Variants in PCDHGB4 observed in about 807,000 individuals in gnomAD.
The protein encoded by PCDHGB4 is protocadherin gamma subfamily B, 4.
A neutral mutation model predicts 60.5 loss-of-function variants in PCDHGB4; 38 were observed. The ratio of observed to expected loss-of-function variants is 0.63; its 90% CI spans 0.48 to 0.82. The LOEUF (loss-of-function observed/expected upper bound fraction) is 0.82. Ranked by LOEUF, PCDHGB4 falls within the 40% of genes least tolerant of loss-of-function variation. The pLI, the probability that PCDHGB4 is intolerant of heterozygous loss-of-function variation, is 0.00. For missense variants in PCDHGB4, 1,109 were observed against 1,209.6 expected (o/e 0.92, Z 1.23); for synonymous variants, 456 against 509.7 (o/e 0.89, Z 1.42).
chr5:141,400,452 A>C, intron 1 of PCDHGB4: 3 of 1,614,038 alleles, frequency 1.9e-6, no homozygotes, highest in Non-Finnish European at 2.5e-6. Context: ...GACAAGACAT[A>C]CTTTGTGGTG....
rs1228771998 is a variant in PCDHGB4 at position 141,477,832 on chromosome 5, A to G, written c.2398-16975A>G. The stretch of plus-strand genomic sequence containing the variant: ...CCCCCCAGGTCCTATATCCTCGGCC[A>G]GGTGGGAGCTCGGTGGAGATGCTGC... On this transcript the variant is annotated intron_variant, in intron 1 of 3. Transcript: ENST00000519479. This position sits in a 1 kb window ranked among gnomAD's most constrained non-coding sequence, Gnocchi z 4.9. 1.2e-6 allele frequency: 2 copies of G among 1,614,166 alleles called. No homozygotes were observed. Among genetic ancestry groups the G allele is most frequent in the South Asian group, 1.1e-5 (1 of 91,086 alleles).
chr5:141,394,534 G>T (rs751746485), intron 1 of PCDHGB4: 2 of 1,614,074 alleles, frequency 1.2e-6, no homozygotes, highest in Non-Finnish European at 1.7e-6. Flanking sequence ...GGTTCCACTG[G>T]CGTGGAGCTG....
intron 1 of PCDHGB4, chr5:141,393,292 C>T: frequency 6.2e-7 from 1 of 1,613,946 alleles, no homozygotes; most frequent in Non-Finnish European, 8.5e-7. Context: ...GCTGTTGACC[C>T]GGATGTGGGC....
chr5:141,409,491 C>A (rs747701093), intron 1 of PCDHGB4: 1 of 1,613,876 alleles, frequency 6.2e-7, no homozygotes, highest in East Asian at 2.2e-5. Context: ...AGGGGCAAGC[C>A]GCCTCTTTCT....
At chr5:141,401,976 G>A (rs1479930250) in intron 1 of PCDHGB4, among the ~76,000 whole-genome samples, 2 of 152,062 alleles carry the variant, frequency 1.3e-5, no homozygotes, top group Admixed American at 1.3e-4. Context: ...ATTGATGAAG[G>A]ATTAAAATAG....
intron 3 of PCDHGB4, 110 bp downstream of exon 3, chr5:141,505,591 G>T: frequency 6.4e-7 from 1 of 1,570,280 alleles, no homozygotes; most frequent in Non-Finnish European, 8.7e-7. Flanking sequence ...AGTTTCTCCA[G>T]ATCTTTCGGC....
intron 1 of PCDHGB4, among the ~76,000 whole-genome samples, chr5:141,465,140 G>A (rs1019369475): frequency 5.3e-5 from 8 of 151,554 alleles, no homozygotes; most frequent in Non-Finnish European, 7.4e-5. Context: ...AAGTTTAGGG[G>A]ATATATGAAG....
chr5:141,415,740 G>GTTTTTTTTTTTTTTTTTTTGTTT, intron 1 of PCDHGB4: 1 of 617,992 alleles, frequency 1.6e-6, no homozygotes, highest in Non-Finnish European at 2.1e-6. Flanking sequence ...GTTTATTAAG[G>GTTTTTTTTTTTTTTTTTTTGTTT]TTTTTTTTTT....
At position 141,491,686 on chromosome 5, in the gene PCDHGB4, C is replaced by CG; in HGVS notation, c.2398-3118dup. 1 of 1,612,970 alleles carries CG rather than the reference C, an allele frequency of 6.2e-7. No individual in the cohort carries two copies. The highest frequency in any genetic ancestry group is 2.2e-5 in the East Asian group (1 of 44,838). ...CATCCGGTCCCGCTCTAATACGCTG[C>CG]GGGAGCGGAGCCAGGTGAGGGGCTC... On this transcript the variant is annotated intron_variant, in intron 1 of 3. Transcript: ENST00000519479. The surrounding 1 kb of genome is among the most constrained non-coding windows in gnomAD (Gnocchi z 6.9).
chr5:141,455,143 T>C (rs984886337), intron 1 of PCDHGB4, among the ~76,000 whole-genome samples: 1 of 149,894 alleles, frequency 6.7e-6, no homozygotes, highest in Non-Finnish European at 1.5e-5. Flanking sequence ...CTGTGTTAAA[T>C]AAATATTAGT....
intron 1 of PCDHGB4, chr5:141,395,341 G>T: frequency 7.1e-7 from 1 of 1,409,696 alleles, no homozygotes; most frequent in Non-Finnish European, 9.4e-7. Flanking sequence ...AATTTTTAAG[G>T]TGTATCACAG....
At chr5:141,494,972 C>G in intron 2 of PCDHGB4, 107 bp downstream of exon 2, 1 of 1,581,852 alleles carries the variant, frequency 6.3e-7, no homozygotes, top group Non-Finnish European at 8.6e-7. Context: ...TGGCTTCTCC[C>G]TCAGTTTGAG....
intron 2 of PCDHGB4, among the ~76,000 whole-genome samples, chr5:141,504,451 G>A (rs2099838355): frequency 1.3e-5 from 2 of 152,070 alleles, no homozygotes; most frequent in South Asian, 4.2e-4. Context: ...CTAGTGCCAT[G>A]TGGGGCAGCC....
At chr5:141,426,507 C>G in intron 1 of PCDHGB4, 1 of 342,512 alleles carries the variant, frequency 2.9e-6, no homozygotes, top group Non-Finnish European at 5.8e-6. Context: ...AGAAACAATA[C>G]TTTACCGTGA....
At chr5:141,394,379 T>C in intron 1 of PCDHGB4, 1 of 1,614,160 alleles carries the variant, frequency 6.2e-7, no homozygotes, top group Non-Finnish European at 8.5e-7. Context: ...CTTTCGACTA[T>C]GAGCAGATCC....
chr5:141,489,061 C>A lies in PCDHGB4; in HGVS notation c.2398-5746C>A. On this transcript the variant is annotated intron_variant, in intron 1 of 3. Coordinates refer to ENST00000519479, the MANE Select transcript of PCDHGB4 (RefSeq NM_003736.4). This position sits in a 1 kb window ranked among gnomAD's most constrained non-coding sequence, Gnocchi z 4.5. ...AGCTCCACTCAAATTCAGCTCCCCT[C>A]CCCCCTGCCCACCCCCGCCACTCGG... 5 of 347,080 alleles carry A rather than the reference C, an allele frequency of 1.4e-5. No individual in the cohort carries two copies. The highest frequency in any genetic ancestry group is 2.2e-5 in the African/African-American group (1 of 46,422). 21.5% of individuals were successfully genotyped at this position (347,080 alleles called of 1,614,324 possible). A position where few individuals can be genotyped will look rare whatever the true frequency, so the allele number is the denominator to read the frequency against.
At position 141,403,340 on chromosome 5, in the gene PCDHGB4, G is replaced by GC. The variant is rs1435471755; in HGVS notation, c.2397+13063dup. The GC allele has an allele frequency of 5.6e-6, 9 of 1,613,982 alleles. No homozygotes were observed. In the South Asian group the frequency reaches 9.9e-5, roughly 18 times the overall value. ...AGAAGTAACTGATATTAACGACAGCGCCCCAAAGTTCCAGGCCGAAAGTCT... is the reference window on the plus strand; with the variant it reads ...AGAAGTAACTGATATTAACGACAGCGCCCCCAAAGTTCCAGGCCGAAAGTCT... On this transcript the variant is annotated intron_variant, in intron 1 of 3. Transcript: ENST00000519479.
At chr5:141,409,786 C>A in intron 1 of PCDHGB4, 11 of 1,612,124 alleles carry the variant, frequency 6.8e-6, no homozygotes, top group Non-Finnish European at 9.3e-6. Flanking sequence ...TGCGCGCCTT[C>A]GCGCTCACGC....
chr5:141,496,152 C>T (rs771462960), intron 2 of PCDHGB4, among the ~76,000 whole-genome samples: 2 of 152,080 alleles, frequency 1.3e-5, no homozygotes, highest in Non-Finnish European at 1.5e-5. Flanking sequence ...GATCGCAGCT[C>T]TCCACCAGAC....
Sources: gnomAD v4.1 joint callset for allele counts (sites outside exome capture counted in the v4.1 genomes callset) on GRCh38, gnomAD v4.1.1 for gene constraint, Gnocchi (gnomAD v3.1) non-coding constraint, MANE v1.5 for transcripts, NCBI Gene and HGNC (gene_info 2026-07-23, HGNC 2026-07-21) for gene names.